The following NUDCD1 variants were observed in gnomAD, a reference collection of about 807,000 sequenced individuals.
NUDCD1 encodes the protein nudC domain-containing protein 1.
Under a neutral mutation model 67.8 loss-of-function variants are expected in NUDCD1, and 60 were observed. The observed-to-expected ratio is 0.88, with a 90% CI of 0.72 to 1.10. NUDCD1 has a LOEUF of 1.10. NUDCD1 is among the 50% of genes least tolerant of loss of function. The pLI is 0.00. For synonymous variants in NUDCD1, 244 were observed against 230.8 expected (o/e 1.06, Z -0.52); for missense variants, 643 against 695.0 (o/e 0.93, Z 0.84).
chr8:109,275,846 G>T (rs543127559), intron 6 of NUDCD1, among the ~76,000 whole-genome samples: 3 of 152,108 alleles, frequency 2.0e-5, no homozygotes, highest in African/African-American at 7.2e-5. Context: ...AAGACATCTG[G>T]GGAATGGTCG....
At chr8:109,257,506 T>C (rs796912358) in intron 8 of NUDCD1, among the ~76,000 whole-genome samples, 4 of 152,076 alleles carry the variant, frequency 2.6e-5, no homozygotes, top group Admixed American at 6.6e-5. Context: ...ATCATTAAAG[T>C]ATCAATTCTC....
chr8:109,310,654 A>G lies in NUDCD1; in HGVS notation c.273+11655T>C, dbSNP rs1464188089. On this transcript the variant is annotated intron_variant, in intron 2 of 9. Coordinates refer to ENST00000239690, the MANE Select transcript of NUDCD1 (RefSeq NM_032869.4). ...TAAACTAAAGAGTTTTTGCACAGCAAAAGGAACAGTCAGCAGAATAAAGAG... is the reference window on the plus strand; with the variant it reads ...TAAACTAAAGAGTTTTTGCACAGCAGAAGGAACAGTCAGCAGAATAAAGAG... 2.0e-5 allele frequency among the ~76,000 whole-genome samples: 3 copies of G among 152,226 alleles called. No individual in the cohort carries two copies. The South Asian group carries it at 6.2e-4, about 32-fold the overall frequency.
chr8:109,294,333 G>C (rs1445951542), intron 3 of NUDCD1, among the ~76,000 whole-genome samples: 2 of 152,168 alleles, frequency 1.3e-5, no homozygotes, highest in Non-Finnish European at 2.9e-5. Context: ...ATGTCATCAA[G>C]TTCCCTATGT....
intron 2 of NUDCD1, among the ~76,000 whole-genome samples, chr8:109,310,854 C>CTG (rs533381993): frequency 0.017 from 2,073 of 121,674 alleles, 24 homozygotes; most frequent in Non-Finnish European, 0.025. Context: ...TCTTGTTCTG[C>CTG]TGCCAGGCTG....
intron 2 of NUDCD1, among the ~76,000 whole-genome samples, chr8:109,317,566 T>C (rs1342718305): frequency 6.7e-6 from 1 of 150,056 alleles, no homozygotes; most frequent in Non-Finnish European, 1.5e-5. Flanking sequence ...TCCATTGTTC[T>C]GTGGATTAAA....
At chr8:109,250,500 C>T (rs1303936239) in intron 8 of NUDCD1, among the ~76,000 whole-genome samples, 4 of 152,130 alleles carry the variant, frequency 2.6e-5, no homozygotes, top group Non-Finnish European at 5.9e-5. Context: ...TGCCTCACTG[C>T]CTACCTGGGA....
chr8:109,274,752 T>C (rs187560420), intron 7 of NUDCD1, among the ~76,000 whole-genome samples: 5 of 151,944 alleles, frequency 3.3e-5, no homozygotes, highest in Middle Eastern at 3.4e-3. Flanking sequence ...ACATCTTTCA[T>C]ATGCTGATAT....
chr8:109,251,223 G>C (rs1194680372), intron 8 of NUDCD1, among the ~76,000 whole-genome samples: 1 of 149,448 alleles, frequency 6.7e-6, no homozygotes, highest in Non-Finnish European at 1.5e-5. Context: ...GCCCAGGCTG[G>C]AGTGCAGTGA....
chr8:109,302,874 T>G (rs1016634905), intron 2 of NUDCD1, among the ~76,000 whole-genome samples: 2 of 152,060 alleles, frequency 1.3e-5, no homozygotes, highest in African/African-American at 4.8e-5. Flanking sequence ...CATTAAAAAG[T>G]TCCAAAAATT....
At chr8:109,278,819 C>G (rs576405543) in intron 6 of NUDCD1, among the ~76,000 whole-genome samples, 6 of 152,288 alleles carry the variant, frequency 3.9e-5, no homozygotes, top group Admixed American at 3.3e-4. Context: ...ATATTTCTGG[C>G]TTTTATAAGT....
intron 2 of NUDCD1, among the ~76,000 whole-genome samples, chr8:109,318,962 T>G (rs1402677693): frequency 6.7e-6 from 1 of 149,832 alleles, no homozygotes; most frequent in African/African-American, 2.5e-5. Context: ...TTTTATGTTT[T>G]TTTTTTTTTT....
At chr8:109,308,488 C>A (rs1310511538) in intron 2 of NUDCD1, among the ~76,000 whole-genome samples, 2 of 151,890 alleles carry the variant, frequency 1.3e-5, no homozygotes, top group African/African-American at 4.8e-5. Context: ...CAGAACAGAA[C>A]TAAATGAAAT....
At chr8:109,268,095 T>C (rs552733976) in intron 8 of NUDCD1, among the ~76,000 whole-genome samples, 1 of 152,346 alleles carries the variant, frequency 6.6e-6, no homozygotes, top group African/African-American at 2.4e-5. Context: ...TCTTTGAAGC[T>C]GGAAAGATTG....
intron 7 of NUDCD1, 89 bp from the exon 8 acceptor site, chr8:109,271,219 C>A (rs972398526): frequency 5.9e-6 from 5 of 845,992 alleles, no homozygotes; most frequent in African/African-American, 3.4e-5. Flanking sequence ...AAGGTTACAG[C>A]AGTAATTAAA....
intron 2 of NUDCD1, chr8:109,313,839 T>C: frequency 9.0e-7 from 1 of 1,116,528 alleles, no homozygotes; most frequent in Non-Finnish European, 1.2e-6. Context: ...TAATTATCAA[T>C]CAGATAAATG....
chr8:109,323,239 A>G (rs2130136199), intron 1 of NUDCD1, among the ~76,000 whole-genome samples: 1 of 152,270 alleles, frequency 6.6e-6, no homozygotes, highest in South Asian at 2.1e-4. Flanking sequence ...CTACCCTAAT[A>G]TAAAACTCAC....
chr8:109,286,446 C>G lies in NUDCD1; in HGVS notation c.823+3305G>C, dbSNP rs563662342. 7.8e-4 allele frequency among the ~76,000 whole-genome samples: 119 copies of G among 151,898 alleles called. No individual in the cohort carries two copies. In the Middle Eastern group the frequency reaches 0.017, roughly 22 times the overall value. Reference sequence around the variant, plus strand: ...CAAAAAAAGTACAAAAACAGATACACAGACCAGTGGACCAAGAAATAAAGC... The same window carrying G: ...CAAAAAAAGTACAAAAACAGATACAGAGACCAGTGGACCAAGAAATAAAGC... On this transcript the variant is annotated intron_variant, in intron 5 of 9. Transcript: ENST00000239690.
chr8:109,281,051 C>T lies in NUDCD1; in HGVS notation c.945G>A (p.Leu315=), dbSNP rs1435311425. ...QFLPDHINIV[L]KDHQFLEGKL... ...TTCCTTCTAAAAACTGGTGATCCTTCAGTACAATGTTGATGTGATCAGGCA... is the reference window on the plus strand; with the variant it reads ...TTCCTTCTAAAAACTGGTGATCCTTTAGTACAATGTTGATGTGATCAGGCA... The change falls in exon 6 of 10, where the codon CTG becomes CTA. Residue 315 remains leucine (L), a synonymous_variant. Coordinates refer to ENST00000239690, the MANE Select transcript of NUDCD1 (RefSeq NM_032869.4). 3.7e-6 allele frequency: 6 copies of T among 1,612,338 alleles called. No homozygotes were observed. Among genetic ancestry groups the T allele is most frequent in the Non-Finnish European group, 4.2e-6 (5 of 1,178,704 alleles).
chr8:109,301,629 AT>A (rs1814992292), intron 2 of NUDCD1, among the ~76,000 whole-genome samples: 1 of 152,218 alleles, frequency 6.6e-6, no homozygotes, highest in African/African-American at 2.4e-5. Context: ...CATCTCACCA[AT>A]TTCAAATGGG....
Sources: allele counts gnomAD v4.1 joint callset (sites outside exome capture counted in the v4.1 genomes callset), GRCh38; gene constraint gnomAD v4.1.1; transcripts MANE v1.5; gene names NCBI Gene and HGNC (gene_info 2026-07-23, HGNC 2026-07-21).